IST1: variants seen among roughly 807,000 people sequenced by gnomAD.
The protein encoded by IST1 is IST1 factor associated with ESCRT-III.
A neutral mutation model predicts 37.0 loss-of-function variants in IST1; 23 were observed. That is an observed-to-expected ratio of 0.62 (90% CI 0.45 to 0.88). The LOEUF (loss-of-function observed/expected upper bound fraction) is 0.88. IST1 is among the 40% of genes least tolerant of loss of function. IST1 has a pLI of 0.00. For missense variants in IST1, 488 were observed against 445.4 expected (o/e 1.10, Z -0.86); for synonymous variants, 180 against 161.7 (o/e 1.11, Z -0.86).
Position 71,925,241 on chromosome 16 carries a change from C to T in IST1, c.901+424C>T, listed in dbSNP as rs564026791. Among the ~76,000 whole-genome samples, 8 of 151,722 alleles carry T rather than the reference C, an allele frequency of 5.3e-5. No homozygotes were observed. In the South Asian group the frequency reaches 1.7e-3, roughly 32 times the overall value. Reference sequence around the variant, plus strand: ...TGTTAGCCAGGATGGTCTCGATCTCCTGACCTTGTGAGATCCGCCTGCCTT... The same window carrying T: ...TGTTAGCCAGGATGGTCTCGATCTCTTGACCTTGTGAGATCCGCCTGCCTT... On this transcript the variant is annotated intron_variant, in intron 9 of 9. Coordinates refer to ENST00000378799, the MANE Select transcript of IST1 (RefSeq NM_001270975.2).
At chr16:71,898,432 C>G (rs28602614) in intron 1 of IST1, among the ~76,000 whole-genome samples, 6,953 of 151,138 alleles carry the variant, frequency 0.046, 514 homozygotes, top group African/African-American at 0.16. Flanking sequence ...GCCTGTAATC[C>G]CAGCACTTTG....
rs370771637 is a variant in IST1 at position 71,923,371 on chromosome 16, G to T, written c.843G>T (p.Ser281=). ...HPPQIPATPP[S]YESVDDINAD... Reference sequence around the variant, plus strand: ...CTCAGATACCAGCAACTCCCCCATCGTATGAATCTGTAAGTGCCTGAGCCT... The same window carrying T: ...CTCAGATACCAGCAACTCCCCCATCTTATGAATCTGTAAGTGCCTGAGCCT... Residue 281 remains serine, a synonymous_variant, in exon 8 of 10, where the codon TCG becomes TCT. Transcript: ENST00000378799. 17 of 1,599,482 alleles carry T rather than the reference G, an allele frequency of 1.1e-5. No individual in the cohort carries two copies. Among genetic ancestry groups the T allele is most frequent in the Admixed American group, 1.0e-4 (6 of 59,852 alleles).
At chr16:71,898,044 T>C (rs2142517609) in intron 1 of IST1, among the ~76,000 whole-genome samples, 1 of 152,008 alleles carries the variant, frequency 6.6e-6, no homozygotes, top group East Asian at 2.0e-4. Flanking sequence ...TCTATATTGC[T>C]CAGTCCATGA....
At chr16:71,909,095 CTTTTTTTTTTT>C (rs34086105) in intron 1 of IST1, among the ~76,000 whole-genome samples, 11 of 102,932 alleles carry the variant, frequency 1.1e-4, no homozygotes, top group African/African-American at 2.6e-4. Context: ...TTTTGTTTGT[CTTTTTTTTTTT>C]TTTTTTTTTG....
At chr16:71,895,825 G>A (rs920594073) in intron 1 of IST1, among the ~76,000 whole-genome samples, 5 of 152,254 alleles carry the variant, frequency 3.3e-5, no homozygotes, top group Non-Finnish European at 5.9e-5. Context: ...GGCCGCGAGC[G>A]GGTCGGAGGC....
At chr16:71,925,933 T>TA (rs1458409965) in intron 9 of IST1, among the ~76,000 whole-genome samples, 1 of 149,398 alleles carries the variant, frequency 6.7e-6, no homozygotes, top group African/African-American at 2.5e-5. Flanking sequence ...GACCCTGTCT[T>TA]AAAAAACAAA....
chr16:71,894,491 C>A (rs2142506709), upstream of IST1: 1 of 206,902 alleles, frequency 4.8e-6, no homozygotes, highest in African/African-American at 2.3e-5. Flanking sequence ...GGTGATACAC[C>A]TGCCTCGGCC....
chr16:71,922,395 T>A, intron 6 of IST1, 79 bp from the exon 7 acceptor site: 1 of 1,192,218 alleles, frequency 8.4e-7, no homozygotes, highest in South Asian at 1.3e-5. Context: ...TTTATGCTAA[T>A]CTCCATCTCA....
At position 71,921,398 on chromosome 16, in the gene IST1, T is replaced by C; in HGVS notation, c.497T>C (p.Leu166Pro). ...APPKILVERY[L>P]IEIAKNYNVP... ...CCCAAAATCCTGGTGGAGAGATACC[T>C]GATTGAAATTGCAAAGAATTACAAC... Residue 166 changes from leucine to proline, a missense_variant, in exon 6 of 10, where the codon CTG becomes CCG. Leu to Pro is a moderately conservative substitution (Grantham distance 98). Coordinates refer to ENST00000378799, the MANE Select transcript of IST1 (RefSeq NM_001270975.2). 1 of 1,613,912 alleles carries C rather than the reference T, an allele frequency of 6.2e-7. No homozygotes were observed.
chr16:71,894,714 TTTG>T, upstream of IST1: 4 of 580,660 alleles, frequency 6.9e-6, no homozygotes, highest in South Asian at 2.4e-5. Flanking sequence ...TTTTTTTTTT[TTTG>T]TAGCGATGCG....
In IST1 at chr16:71,921,467, A is replaced by G; in HGVS notation, c.552+14A>G. ...TCTGTGGTCATGGTAAGTTTATCCC[A>G]GAATACAAAGAAAAATGAGTTTGTA... On this transcript the variant is annotated intron_variant, in intron 6 of 9. Coordinates refer to ENST00000378799, the MANE Select transcript of IST1 (RefSeq NM_001270975.2). The G allele has an allele frequency of 1.3e-6, 2 of 1,491,698 alleles. No homozygotes were observed. The highest frequency in any genetic ancestry group is 1.4e-5 in the African/African-American group (1 of 72,378). The allele number at this position is 1,491,698 out of a possible 1,614,324, so 92.4% of individuals were successfully genotyped here.
intron 1 of IST1, among the ~76,000 whole-genome samples, chr16:71,898,844 T>C (rs2037037960): frequency 6.7e-6 from 1 of 149,668 alleles, no homozygotes; most frequent in African/African-American, 2.5e-5. Flanking sequence ...GGGTGCCTGT[T>C]CTCCCAGCTA....
chr16:71,896,028 G>C (rs1373884463), intron 1 of IST1, among the ~76,000 whole-genome samples: 1 of 152,254 alleles, frequency 6.6e-6, no homozygotes, highest in Non-Finnish European at 1.5e-5. Flanking sequence ...ATGCCCTCCA[G>C]TCCGGGCCGC....
Position 71,927,926 on chromosome 16 carries a change from A to AACACTCCCTC in IST1, c.*114_*123dup, listed in dbSNP as rs752932088. On this transcript the variant is annotated 3_prime_UTR_variant, in exon 10 of 10. Transcript: ENST00000378799. ...TCATCTGTTAACCGTCACTCAGCACAACACTCCCTCTGGGCTCTCTTCCTG... is the reference window on the plus strand; with the variant it reads ...TCATCTGTTAACCGTCACTCAGCACAACACTCCCTCACACTCCCTCTGGGCTCTCTTCCTG... 2.6e-6 allele frequency: 2 copies of AACACTCCCTC among 757,006 alleles called. No homozygotes were observed. The highest frequency in any genetic ancestry group is 4.5e-6 in the Non-Finnish European group (2 of 442,712). The allele number at this position is 757,006 out of a possible 1,614,324, so 46.9% of individuals were successfully genotyped here. A position where few individuals can be genotyped will look rare whatever the true frequency, so the allele number is the denominator to read the frequency against.
intron 1 of IST1, among the ~76,000 whole-genome samples, 192 bp downstream of exon 1, chr16:71,895,781 G>T (rs2036952972): frequency 1.3e-5 from 2 of 152,248 alleles, no homozygotes. Context: ...CGCGGCGCAG[G>T]AGGCTGCCCA....
At chr16:71,924,298 C>A in intron 8 of IST1, 1 of 406,248 alleles carries the variant, frequency 2.5e-6, no homozygotes, top group South Asian at 1.8e-5. Context: ...ATTTTTTTTT[C>A]TCTGCTTGGC....
At position 71,916,783 on chromosome 16, in the gene IST1, A is replaced by C. The variant is rs1168673741; in HGVS notation, c.269+141A>C. ...GTTGCTGAAAGGCCTGTTAAAAAGA[A>C]AATACAGAATCTGAAACTGAGAAGC... On this transcript the variant is annotated intron_variant, in intron 3 of 9. Coordinates refer to ENST00000378799, the MANE Select transcript of IST1 (RefSeq NM_001270975.2). The C allele has an allele frequency of 5.3e-6, 4 of 754,676 alleles. No homozygotes were observed. The East Asian group carries it at 1.1e-4, about 21-fold the overall frequency. 46.7% of individuals were successfully genotyped at this position (754,676 alleles called of 1,614,324 possible).
At position 71,916,602 on chromosome 16, in the gene IST1, G is replaced by A. The variant is rs746841090; in HGVS notation, c.229G>A (p.Asp77Asn). The change falls in exon 3 of 10, where the codon GAC becomes AAC. Residue 77 changes from aspartate (D) to asparagine (N), a missense_variant. By Grantham distance (23) the Asp-to-Asn change is conservative. This residue lies in a region of IST1 where 455 missense variants were observed against 386.2 expected (regional missense o/e 1.18). Transcript: ENST00000378799. ...EAMEILELYC[D>N]LLLARFGLIQ... ...CATGGAGATCCTGGAGCTGTACTGT[G>A]ACCTGCTGCTGGCTCGGTTTGGCCT... The A allele has an allele frequency of 6.2e-7, 1 of 1,614,096 alleles. No homozygotes were observed. Among genetic ancestry groups the A allele is most frequent in the Non-Finnish European group, 8.5e-7 (1 of 1,179,928 alleles).
intron 1 of IST1, among the ~76,000 whole-genome samples, chr16:71,905,557 T>G (rs1203981418): frequency 6.6e-6 from 1 of 151,802 alleles, no homozygotes; most frequent in Non-Finnish European, 1.5e-5. Flanking sequence ...TTTTTGTATT[T>G]TTAGTAGAGA....
Sources: gnomAD v4.1 joint callset for allele counts (sites outside exome capture counted in the v4.1 genomes callset) on GRCh38, gnomAD v4.1.1 for gene constraint, gnomAD v4.1.1 regional missense constraint, MANE v1.5 for transcripts, NCBI Gene and HGNC (gene_info 2026-07-23, HGNC 2026-07-21) for gene names.